The following HNRNPL variants were observed in gnomAD, a reference collection of about 807,000 sequenced individuals.
The protein encoded by HNRNPL is epididymis secretory sperm binding protein.
In HNRNPL, 12 loss-of-function variants were observed where a neutral mutation model predicts 64.0. The observed-to-expected ratio is 0.19, with a 90% CI of 0.12 to 0.30. The LOEUF is 0.30. HNRNPL is among the 10% of genes least tolerant of loss of function. HNRNPL has a pLI of 1.00. For synonymous variants in HNRNPL, 385 were observed against 313.0 expected, an observed-to-expected ratio of 1.23 and a Z score of -2.43; for missense variants, 484 against 797.4, an observed-to-expected ratio of 0.61 and a Z score of 4.73.
intron 4 of HNRNPL, among the ~76,000 whole-genome samples, chr19:38,844,475 C>T (rs945286530): frequency 6.6e-6 from 1 of 152,166 alleles, no homozygotes; most frequent in African/African-American, 2.4e-5. Context: ...TTTTTCCTGC[C>T]CCTGCCCCAA....
At chr19:38,838,801 C>T (rs1387640446) in intron 9 of HNRNPL, 93 bp downstream of exon 9, 12 of 1,530,258 alleles carry the variant, frequency 7.8e-6, no homozygotes, top group Non-Finnish European at 1.1e-5. Context: ...TGTGAGTCAA[C>T]ACCTCGGCCT....
In HNRNPL at chr19:38,846,099, G is replaced by A. The variant is rs1600065390; in HGVS notation, c.387-9C>T. ...GCATTACCACCACATAGCTGGCAGA[G>A]AGAACACAGGTTTCAATCCTCTCAG... is the stretch of plus-strand genomic sequence containing the variant. On this transcript the variant is annotated splice_polypyrimidine_tract_variant and intron_variant, in intron 2 of 12. Transcript: ENST00000221419. The A allele has an allele frequency of 1.9e-6, 3 of 1,589,144 alleles. No individual in the cohort carries two copies. Among genetic ancestry groups the A allele is most frequent in the East Asian group, 2.2e-5 (1 of 44,676 alleles).
intron 2 of HNRNPL, among the ~76,000 whole-genome samples, chr19:38,846,807 C>G (rs1972311885): frequency 6.6e-6 from 1 of 152,144 alleles, no homozygotes; most frequent in African/African-American, 2.4e-5. Flanking sequence ...ACTCGGGAGG[C>G]TGAGGCAGGA....
intron 4 of HNRNPL, chr19:38,845,013 T>A (rs936813636): frequency 1.3e-5 from 2 of 152,298 alleles, no homozygotes; most frequent in African/African-American, 4.8e-5. Context: ...CGGCCCCATA[T>A]CCCCTTTTAA....
upstream of HNRNPL, among the ~76,000 whole-genome samples, chr19:38,850,693 A>T (rs1006575464): frequency 6.6e-6 from 1 of 152,210 alleles, no homozygotes; most frequent in African/African-American, 2.4e-5. Context: ...CTAGACCAAG[A>T]TTGACAGGAA....
intron 8 of HNRNPL, chr19:38,839,279 A>G: frequency 2.2e-6 from 1 of 449,492 alleles, no homozygotes; most frequent in Non-Finnish European, 4.1e-6. Context: ...CAGGAATCAG[A>G]AATCAAATCA....
chr19:38,849,272 A>G (rs1030215116), intron 1 of HNRNPL: 11 of 186,434 alleles, frequency 5.9e-5, no homozygotes, highest in African/African-American at 2.3e-4. Flanking sequence ...TCCCCACTCT[A>G]GAGAACAAGG....
chr19:38,841,656 G>A, intron 6 of HNRNPL: 2 of 1,285,394 alleles, frequency 1.6e-6, no homozygotes, highest in Non-Finnish European at 2.0e-6. Context: ...CTGAAAGATG[G>A]CGTCCCATCA....
In HNRNPL at chr19:38,840,078, G is replaced by C. The variant is rs750820902; in HGVS notation, c.1233+18C>G. On this transcript the variant is annotated intron_variant, in intron 8 of 12. Coordinates refer to ENST00000221419, the MANE Select transcript of HNRNPL (RefSeq NM_001533.3). ...ACGAGGCTCAGCGAGGAACCCAGGG[G>C]GCCCGGCAGCAGCTCACCTTCTCCA... 1.9e-6 allele frequency: 3 copies of C among 1,612,636 alleles called. No individual in the cohort carries two copies. The highest frequency in any genetic ancestry group is 2.5e-6 in the Non-Finnish European group (3 of 1,179,530).
At chr19:38,838,134 C>T (rs574732771) in intron 10 of HNRNPL, among the ~76,000 whole-genome samples, 2 of 152,318 alleles carry the variant, frequency 1.3e-5, no homozygotes, top group Non-Finnish European at 2.9e-5. Context: ...TCCCAGCAAA[C>T]GAGCAGTTGC....
chr19:38,836,822 G>A, intron 12 of HNRNPL, 42 bp from the exon 13 acceptor site: 2 of 1,505,508 alleles, frequency 1.3e-6, no homozygotes, highest in Non-Finnish European at 9.2e-7. Context: ...CGTCTTTGGA[G>A]GCTCCCCAAA....
At chr19:38,841,805 G>C in intron 6 of HNRNPL, 2 of 427,034 alleles carry the variant, frequency 4.7e-6, no homozygotes, top group South Asian at 3.5e-5. Flanking sequence ...CAGATGTTCT[G>C]TCCTCAGAAG....
At chr19:38,837,256 T>C (rs1971959195) in intron 12 of HNRNPL, 128 bp downstream of exon 12, 3 of 721,678 alleles carry the variant, frequency 4.2e-6, no homozygotes, top group Non-Finnish European at 7.3e-6. Context: ...AGGTCCCACC[T>C]GCCTGTGTCA....
intron 6 of HNRNPL, chr19:38,843,446 A>G (rs1352512792): frequency 4.6e-6 from 1 of 215,292 alleles, no homozygotes; most frequent in African/African-American, 2.3e-5. Flanking sequence ...CACTCCCCCA[A>G]ATCAGACCCT....
chr19:38,849,623 A>T, intron 1 of HNRNPL, 77 bp downstream of exon 1: 1 of 1,290,402 alleles, frequency 7.7e-7, no homozygotes, highest in Non-Finnish European at 9.8e-7. Flanking sequence ...GGCCCCCCTC[A>T]AAAAATAAAA....
At chr19:38,841,050 T>C (rs887822216) in intron 6 of HNRNPL, 27 of 190,158 alleles carry the variant, frequency 1.4e-4, no homozygotes, top group South Asian at 9.2e-5. Context: ...AGATCCCTTC[T>C]TTCTTAATCC....
At chr19:38,849,092 T>G (rs1403985518) in intron 1 of HNRNPL, among the ~76,000 whole-genome samples, 1 of 152,226 alleles carries the variant, frequency 6.6e-6, no homozygotes, top group Non-Finnish European at 1.5e-5. Context: ...TAAGCAAACT[T>G]GTGATGGTTT....
rs868296421 is a variant in HNRNPL, at chr19:38,836,744, G to A, written c.1748C>T (p.Ser583Phe). ...PYPYTLKLCF[S>F]TAQHAS ...TAATTAGGAGGCGTGCTGAGCAGTG[G>A]AGAAACACAACTTCAGAGTGTAAGG... is the stretch of plus-strand genomic sequence containing the variant. The change falls in exon 13 of 13, where the codon TCC (serine) becomes TTC (phenylalanine). Residue 583 changes from serine to phenylalanine, a missense_variant. Physicochemically the swap from Ser to Phe is radical, Grantham distance 155 (BLOSUM62 -2). This residue lies in a region of HNRNPL where 69 missense variants were observed against 91.8 expected (regional missense o/e 0.75). Transcript: ENST00000221419. The A allele has an allele frequency of 6.2e-7, 1 of 1,613,198 alleles. No individual in the cohort carries two copies. Among genetic ancestry groups the A allele is most frequent in the Non-Finnish European group, 8.5e-7 (1 of 1,179,492 alleles).
upstream of HNRNPL, among the ~76,000 whole-genome samples, chr19:38,850,726 A>G (rs1414144464): frequency 6.6e-6 from 1 of 152,224 alleles, no homozygotes; most frequent in Non-Finnish European, 1.5e-5. Context: ...CTCTGTCGCC[A>G]TCACTATACC....
Sources: gnomAD v4.1 joint callset for allele counts (sites outside exome capture counted in the v4.1 genomes callset) on GRCh38, gnomAD v4.1.1 for gene constraint, gnomAD v4.1.1 regional missense constraint, MANE v1.5 for transcripts, NCBI Gene and HGNC (gene_info 2026-07-23, HGNC 2026-07-21) for gene names.